CELF2: variants seen among roughly 807,000 people sequenced by gnomAD.
The protein encoded by CELF2 is CUGBP Elav-like family member 2, also known as CUG triplet repeat RNA-binding protein 2.
Under a neutral mutation model 62.6 loss-of-function variants are expected in CELF2, and 8 were observed. The ratio of observed to expected loss-of-function variants is 0.13; its 90% confidence interval spans 0.07 to 0.23. The LOEUF is 0.23. Among genes scored for constraint, CELF2 ranks in the 10% least tolerant of loss-of-function variants. The probability of loss-of-function intolerance (pLI) is 1.00; values close to 1 mark genes in which losing one functional copy is unlikely to be tolerated. For missense variants in CELF2, 333 were observed against 671.0 expected (o/e 0.50, Z 5.56); for synonymous variants, 258 against 250.0 (o/e 1.03, Z -0.30).
intron 2 of CELF2, among the ~76,000 whole-genome samples, chr10:11,200,589 G>A (rs897123681): frequency 1.3e-5 from 2 of 152,216 alleles, no homozygotes; most frequent in South Asian, 4.1e-4. Flanking sequence ...ACTTACCCAG[G>A]AACATGGTGC....
Position 11,275,082 on chromosome 10 carries a change from G to A in CELF2, c.803G>A (p.Ser268Asn), listed in dbSNP as rs1176077077. 6.2e-7 allele frequency: 1 copy of A among 1,614,198 alleles called. No homozygotes were observed. ...CTCCTGCAGCAGGCCACCTCCTCCA[G>A]CAACCTGGGTGCGTTCAGCGGCATT... ...LALLQQATSSSNLGAFSGIQQ... is the reference protein window; with the variant it reads ...LALLQQATSSNNLGAFSGIQQ... The change falls in exon 8 of 13, where the codon AGC (serine) becomes AAC (asparagine). Residue 268 changes from serine to asparagine, a missense_variant. By Grantham distance (46) the Ser-to-Asn change is conservative (BLOSUM62 1). Transcript: ENST00000633077.
At chr10:10,735,768 G>C in the CELF2 span, among the ~76,000 whole-genome samples, 2 of 152,142 alleles carry the variant, frequency 1.3e-5, no homozygotes. Flanking sequence ...ATCTTCCTAG[G>C]ATATTTAATG....
chr10:11,078,402 C>T (rs117316030), intron 1 of CELF2, among the ~76,000 whole-genome samples: 105 of 152,238 alleles, frequency 6.9e-4, no homozygotes, highest in Non-Finnish European at 1.3e-3. Context: ...CAGAGCTGAA[C>T]GAGTTCTACC....
intron 1 of CELF2, among the ~76,000 whole-genome samples, chr10:11,076,899 T>C (rs948150569): frequency 2.6e-5 from 4 of 152,212 alleles, no homozygotes; most frequent in Non-Finnish European, 5.9e-5. Context: ...AACTTGGTTA[T>C]TGATAACATG....
chr10:10,579,518 G>A, the CELF2 span, among the ~76,000 whole-genome samples: 4 of 151,946 alleles, frequency 2.6e-5, no homozygotes, highest in South Asian at 4.2e-4. Context: ...TTAGACCCCC[G>A]GGCTGTTATA....
At chr10:10,973,654 C>G (rs1409914737) in intron 2 of CELF2, among the ~76,000 whole-genome samples, 1 of 152,186 alleles carries the variant, frequency 6.6e-6, no homozygotes, top group Non-Finnish European at 1.5e-5. Flanking sequence ...GCAGCCTCAA[C>G]CTCCCAGGCT....
chr10:11,142,535 AT>A (rs1388955635), intron 1 of CELF2, among the ~76,000 whole-genome samples: 4 of 151,972 alleles, frequency 2.6e-5, no homozygotes, highest in Non-Finnish European at 4.4e-5. Flanking sequence ...ATACAAAAAA[AT>A]TAGCATGGCA....
chr10:10,528,948 C>T, the CELF2 span, among the ~76,000 whole-genome samples: 29 of 152,192 alleles, frequency 1.9e-4, no homozygotes, highest in East Asian at 5.8e-4. Context: ...TTTTTATTTC[C>T]GCTATGTAAA....
the CELF2 span, among the ~76,000 whole-genome samples, chr10:10,633,683 G>A: frequency 2.1e-5 from 3 of 142,392 alleles, no homozygotes; most frequent in Non-Finnish European, 3.1e-5. Context: ...AAGACCTTTT[G>A]TACTTTGAGA....
At chr10:10,685,620 A>G in the CELF2 span, among the ~76,000 whole-genome samples, 1 of 152,318 alleles carries the variant, frequency 6.6e-6, no homozygotes, top group Middle Eastern at 3.4e-3. Context: ...ATGGTGTCTC[A>G]AAAGCCAAGC....
chr10:10,594,763 G>T, the CELF2 span, among the ~76,000 whole-genome samples: 2 of 152,104 alleles, frequency 1.3e-5, no homozygotes, highest in Non-Finnish European at 2.9e-5. Flanking sequence ...CAGGACTCTG[G>T]GGTCACTAGA....
At chr10:10,587,747 C>A in the CELF2 span, among the ~76,000 whole-genome samples, 1 of 152,106 alleles carries the variant, frequency 6.6e-6, no homozygotes, top group East Asian at 1.9e-4. Context: ...TCAACTCTTT[C>A]CTTGCTCTTT....
chr10:11,081,753 A>G (rs1246862228), intron 1 of CELF2, among the ~76,000 whole-genome samples: 6 of 152,128 alleles, frequency 3.9e-5, no homozygotes, highest in Admixed American at 3.9e-4. Flanking sequence ...ACTCTGGTAA[A>G]TAAGTATTGG....
At chr10:10,646,644 A>G in the CELF2 span, among the ~76,000 whole-genome samples, 4 of 152,232 alleles carry the variant, frequency 2.6e-5, no homozygotes, top group Admixed American at 1.3e-4. Flanking sequence ...ATCCAAATCT[A>G]GTATTACTTC....
chr10:11,118,156 A>T (rs577614137), intron 1 of CELF2, among the ~76,000 whole-genome samples: 1 of 152,226 alleles, frequency 6.6e-6, no homozygotes, highest in Non-Finnish European at 1.5e-5. Flanking sequence ...CAGTGAAGGT[A>T]ATATATTTTA....
At chr10:10,577,821 C>T in the CELF2 span, among the ~76,000 whole-genome samples, 5 of 152,024 alleles carry the variant, frequency 3.3e-5, no homozygotes, top group Non-Finnish European at 5.9e-5. Context: ...AATAAACATA[C>T]GTGTGCATGT....
the CELF2 span, among the ~76,000 whole-genome samples, chr10:10,767,738 T>A: frequency 6.6e-6 from 1 of 152,172 alleles, no homozygotes; most frequent in Non-Finnish European, 1.5e-5. Context: ...GGCTCACGCC[T>A]GTAATCCCAG....
intron 1 of CELF2, among the ~76,000 whole-genome samples, chr10:11,067,549 T>A (rs778903710): frequency 6.6e-6 from 1 of 152,188 alleles, no homozygotes; most frequent in African/African-American, 2.4e-5. Context: ...GCAAGGACAG[T>A]ACAAGCCTTT....
At chr10:11,274,555 G>A (rs2085240753) in intron 7 of CELF2, among the ~76,000 whole-genome samples, 1 of 152,222 alleles carries the variant, frequency 6.6e-6, no homozygotes, top group African/African-American at 2.4e-5. Context: ...TCATGTAGTG[G>A]TGGCTGCAGC....
Sources: gnomAD v4.1 joint callset for allele counts (sites outside exome capture counted in the v4.1 genomes callset) on GRCh38, gnomAD v4.1.1 for gene constraint, MANE v1.5 for transcripts, NCBI Gene and HGNC (gene_info 2026-07-23, HGNC 2026-07-21) for gene names.